WDR41: variants seen among roughly 807,000 people sequenced by gnomAD.
WDR41 encodes WD repeat-containing protein 41.
In WDR41, 63 loss-of-function variants were observed where a neutral mutation model predicts 69.3. That is an observed-to-expected ratio of 0.91 (90% CI 0.74 to 1.12). WDR41 has a LOEUF of 1.12. Among genes scored for constraint, WDR41 ranks in the 50% most tolerant of loss-of-function variants. The pLI, the probability that WDR41 is intolerant of heterozygous loss-of-function variation, is 0.00. For missense variants in WDR41, 543 were observed against 534.5 expected, an observed-to-expected ratio of 1.02 and a Z score of -0.16; for synonymous variants, 185 against 192.1, an observed-to-expected ratio of 0.96 and a Z score of 0.31.
Position 77,438,364 on chromosome 5 carries a change from A to G in WDR41, c.883-3T>C. 6.2e-7 allele frequency: 1 copy of G among 1,613,748 alleles called. No homozygotes were observed. The highest frequency in any genetic ancestry group is 1.1e-5 in the South Asian group (1 of 91,046). On this transcript the variant is annotated splice_polypyrimidine_tract_variant and splice_region_variant and intron_variant, in intron 9 of 12. Transcript: ENST00000296679. ...CTTCCAACTGCAGCAAATACATTCT[A>G]GGGGAAGAAGTTCAGAAATGGGCAT...
chr5:77,554,689 G>C lies in WDR41; in HGVS notation c.43-65117C>G, dbSNP rs577294392. 5.9e-5 allele frequency among the ~76,000 whole-genome samples: 9 copies of C among 151,548 alleles called. No individual in the cohort carries two copies. The South Asian group carries it at 1.7e-3, about 28-fold the overall frequency. On this transcript the variant is annotated intron_variant, in intron 1 of 5. Coordinates refer to the WDR41 transcript ENST00000509971. ...AATTTCTGTTGTTTATGAGTTTATA[G>C]TATTTTGTTATAGCAACACAAATGG...
chr5:77,521,415 G>A (rs1468201096), intron 1 of WDR41, among the ~76,000 whole-genome samples: 4 of 152,314 alleles, frequency 2.6e-5, no homozygotes, highest in Non-Finnish European at 4.4e-5. Flanking sequence ...TACCGGTACC[G>A]GTCTGTGGCC....
chr5:77,553,525 A>G (rs1456557807), intron 1 of WDR41, among the ~76,000 whole-genome samples: 1 of 152,242 alleles, frequency 6.6e-6, no homozygotes, highest in African/African-American at 2.4e-5. Context: ...AGGGAATGCC[A>G]TCTTTCAAAT....
At chr5:77,438,506 G>A in intron 9 of WDR41, 145 bp from the exon 10 acceptor site, 4 of 1,177,288 alleles carry the variant, frequency 3.4e-6, no homozygotes, top group Non-Finnish European at 4.6e-6. Flanking sequence ...ACTAATCTCT[G>A]AAACCCCAAA....
chr5:77,586,107 A>G (rs1311653800), intron 1 of WDR41, among the ~76,000 whole-genome samples: 1 of 152,166 alleles, frequency 6.6e-6, no homozygotes, highest in Non-Finnish European at 1.5e-5. Flanking sequence ...TTTTTTAACC[A>G]TGGCAGTTTA....
intron 9 of WDR41, 108 bp downstream of exon 9, chr5:77,440,704 AC>A: frequency 2.8e-6 from 3 of 1,061,754 alleles, no homozygotes. Flanking sequence ...ACAACCTGAA[AC>A]CATGAATGAT....
chr5:77,463,393 A>G (rs1233706034), intron 3 of WDR41, among the ~76,000 whole-genome samples, 167 bp from the exon 4 acceptor site: 2 of 152,212 alleles, frequency 1.3e-5, no homozygotes, highest in African/African-American at 2.4e-5. Context: ...ACAAGCACTG[A>G]AAGTACAGCC....
At position 77,613,085 on chromosome 5, in the gene WDR41, A is replaced by C. The variant is rs1260107659; in HGVS notation, c.42+7394T>G. Among the ~76,000 whole-genome samples the C allele has an allele frequency of 5.2e-3, 781 of 151,436 alleles. 4 individuals carry two copies. The highest frequency in any genetic ancestry group is 9.2e-3 in the South Asian group (44 of 4,780). ...TAAAATACCTAGGAATCCAACTTACAAGGGACGTGAAGGACCTCTTCAAGG... is the reference window on the plus strand; with the variant it reads ...TAAAATACCTAGGAATCCAACTTACCAGGGACGTGAAGGACCTCTTCAAGG... On this transcript the variant is annotated intron_variant, in intron 1 of 5. Transcript: ENST00000509971.
intron 1 of WDR41, among the ~76,000 whole-genome samples, chr5:77,615,412 A>T (rs926091433): frequency 1.3e-5 from 2 of 152,158 alleles, no homozygotes; most frequent in Non-Finnish European, 2.9e-5. Context: ...GATTTTTTAA[A>T]ATGGGAAAAA....
chr5:77,509,436 C>T (rs752157969), intron 1 of WDR41, among the ~76,000 whole-genome samples: 1 of 152,096 alleles, frequency 6.6e-6, no homozygotes, highest in Non-Finnish European at 1.5e-5. Flanking sequence ...TATAGCAGCA[C>T]TATTCATCAT....
chr5:77,484,143 G>A (rs1293459149), intron 2 of WDR41, among the ~76,000 whole-genome samples: 1 of 152,176 alleles, frequency 6.6e-6, no homozygotes, highest in Non-Finnish European at 1.5e-5. Flanking sequence ...CTATGCTAAT[G>A]CATGAAGCAG....
chr5:77,432,049 T>G lies in WDR41; in HGVS notation c.*1086A>C, dbSNP rs943456264. The G allele has an allele frequency of 2.6e-5, 4 of 152,184 alleles. No homozygotes were observed. Among genetic ancestry groups the G allele is most frequent in the African/African-American group, 9.6e-5 (4 of 41,452 alleles). 9.4% of individuals were successfully genotyped at this position (152,184 alleles called of 1,614,324 possible). A position where few individuals can be genotyped will look rare whatever the true frequency, so the allele number is the denominator to read the frequency against. Reference sequence around the variant, plus strand: ...TAACTCTTCCAGTCTTTGTAGGTAGTTGTGGAAGCAACTGTCAAAGCTAAA... The same window carrying G: ...TAACTCTTCCAGTCTTTGTAGGTAGGTGTGGAAGCAACTGTCAAAGCTAAA... On this transcript the variant is annotated 3_prime_UTR_variant, in exon 13 of 13. Transcript: ENST00000296679.
rs189705917 is a variant in WDR41, at chr5:77,568,716, A to G, written c.42+51763T>C. 2.5e-3 allele frequency among the ~76,000 whole-genome samples: 384 copies of G among 152,294 alleles called. 2 individuals carry two copies. The highest frequency in any genetic ancestry group is 3.4e-3 in the Non-Finnish European group (229 of 68,018). ...GGAAACACAAGAATTATTAACTAGT[A>G]TGTGGTAGATAGGAGTCAAATGATA... On this transcript the variant is annotated intron_variant, in intron 1 of 5. Transcript: ENST00000509971.
chr5:77,438,455 C>A (rs1478184461), intron 9 of WDR41, 94 bp from the exon 10 acceptor site: 11 of 1,513,046 alleles, frequency 7.3e-6, no homozygotes, highest in Admixed American at 4.1e-5. Context: ...AGAAAGCCAC[C>A]ATTACCTTTC....
chr5:77,612,210 G>A (rs1011505431), intron 1 of WDR41, among the ~76,000 whole-genome samples: 1 of 152,080 alleles, frequency 6.6e-6, no homozygotes, highest in Non-Finnish European at 1.5e-5. Flanking sequence ...TTCTACCAGA[G>A]GTACAAGGAG....
chr5:77,476,502 C>G (rs368559529), intron 2 of WDR41, among the ~76,000 whole-genome samples: 70 of 152,172 alleles, frequency 4.6e-4, no homozygotes, highest in African/African-American at 1.4e-3. Flanking sequence ...AGCCAGAAGA[C>G]AGTGGGGGCC....
At chr5:77,483,480 TCGTGTG>T (rs1458408217) in intron 2 of WDR41, among the ~76,000 whole-genome samples, 1 of 100,530 alleles carries the variant, frequency 9.9e-6, no homozygotes, top group Admixed American at 1.2e-4. Context: ...ACCTGAATAC[TCGTGTG>T]TGTGTGTGTG....
intron 1 of WDR41, among the ~76,000 whole-genome samples, chr5:77,553,535 T>C (rs1357423991): frequency 6.6e-6 from 1 of 152,094 alleles, no homozygotes; most frequent in Non-Finnish European, 1.5e-5. Context: ...ATCTTTCAAA[T>C]CATAGCACCA....
At chr5:77,589,048 A>G (rs370750987) in intron 1 of WDR41, among the ~76,000 whole-genome samples, 1 of 152,328 alleles carries the variant, frequency 6.6e-6, no homozygotes, top group African/African-American at 2.4e-5. Context: ...TTATTTAGAT[A>G]TAAGAGAAAC....
Sources: allele counts gnomAD v4.1 joint callset (sites outside exome capture counted in the v4.1 genomes callset), GRCh38; gene constraint gnomAD v4.1.1; transcripts MANE v1.5; gene names NCBI Gene and HGNC (gene_info 2026-07-23, HGNC 2026-07-21).